Variants in CEP192 observed in about 807,000 individuals in gnomAD.
CEP192 encodes centrosomal protein of 192 kDa.
Under a neutral mutation model 271.8 loss-of-function variants are expected in CEP192, and 151 were observed. That is an observed-to-expected ratio of 0.56 (90% CI 0.49 to 0.64). The LOEUF (loss-of-function observed/expected upper bound fraction) is 0.64, where lower values mean the gene tolerates loss of function less well. Ranked by LOEUF, CEP192 falls within the 30% of genes least tolerant of loss-of-function variation. The pLI, the probability that CEP192 is intolerant of heterozygous loss-of-function variation, is 0.00. For missense variants in CEP192, 2,910 were observed against 3,020.5 expected (o/e 0.96, Z 0.86); for synonymous variants, 995 against 1,076.5 (o/e 0.92, Z 1.48).
chr18:13,067,475 A>G (rs1030453395), intron 21 of CEP192, among the ~76,000 whole-genome samples: 1 of 152,212 alleles, frequency 6.6e-6, no homozygotes, highest in Non-Finnish European at 1.5e-5. Context: ...TGAAAATGCC[A>G]AGATATTCAT....
Position 13,096,303 on chromosome 18 carries a change from C to T in CEP192, c.6553C>T (p.Pro2185Ser). The T allele has an allele frequency of 6.2e-7, 1 of 1,613,148 alleles. No homozygotes were observed. The highest frequency in any genetic ancestry group is 8.5e-7 in the Non-Finnish European group (1 of 1,179,340). The part of the protein sequence containing the change: ...TVTPQHGCVA[P>S]ESKLQILVSP... ...CACGCCGCAGCATGGATGTGTCGCG[C>T]CAGAGTAAGTCTGACTTCTGTGTTG... Residue 2185 changes from proline (P) to serine (S), a missense_variant, in exon 36 of 45, where the codon CCA becomes TCA. By Grantham distance (74) the Pro-to-Ser change is moderately conservative. Coordinates refer to ENST00000506447, the MANE Select transcript of CEP192 (RefSeq NM_032142.4).
At chr18:13,096,799 G>A (rs902119246) in intron 36 of CEP192, among the ~76,000 whole-genome samples, 4 of 152,120 alleles carry the variant, frequency 2.6e-5, no homozygotes, top group African/African-American at 7.2e-5. Context: ...CTTGCTTACT[G>A]TTTTCTATGT....
chr18:13,117,119 G>C (rs1287605028), intron 43 of CEP192, among the ~76,000 whole-genome samples: 1 of 151,928 alleles, frequency 6.6e-6, no homozygotes, highest in African/African-American at 2.4e-5. Context: ...AGCTACTTGT[G>C]GGGGCTGAGC....
intron 44 of CEP192, among the ~76,000 whole-genome samples, chr18:13,123,049 G>A (rs903952920): frequency 1.4e-4 from 22 of 151,934 alleles, no homozygotes; most frequent in African/African-American, 2.4e-5. Flanking sequence ...AAATTTTCAG[G>A]TTAATATAGA....
intron 1 of CEP192, among the ~76,000 whole-genome samples, 177 bp from the exon 2 acceptor site, chr18:12,999,244 G>A (rs780548062): frequency 1.3e-5 from 2 of 152,180 alleles, no homozygotes; most frequent in African/African-American, 4.8e-5. Flanking sequence ...CATCTATAAA[G>A]TAGCAAAGTA....
chr18:13,017,083 C>A, intron 6 of CEP192, 105 bp from the exon 7 acceptor site: 2 of 811,334 alleles, frequency 2.5e-6, no homozygotes, highest in East Asian at 2.8e-5. Flanking sequence ...ACACCAAAAT[C>A]TTAGTCCATT....
At chr18:13,115,330 G>C (rs2040379622) in intron 42 of CEP192, among the ~76,000 whole-genome samples, 1 of 152,236 alleles carries the variant, frequency 6.6e-6, no homozygotes, top group Non-Finnish European at 1.5e-5. Flanking sequence ...CTGGGAAGGA[G>C]TTCCCTGAAA....
intron 21 of CEP192, among the ~76,000 whole-genome samples, chr18:13,064,073 C>G (rs1241353448): frequency 6.6e-6 from 1 of 151,872 alleles, no homozygotes; most frequent in African/African-American, 2.4e-5. Flanking sequence ...TCCACCTCAG[C>G]CTCCCAAAGT....
chr18:13,066,572 CT>C (rs2037711587), intron 21 of CEP192, among the ~76,000 whole-genome samples: 1 of 152,126 alleles, frequency 6.6e-6, no homozygotes, highest in East Asian at 1.9e-4. Context: ...TGTTAAAAGC[CT>C]TTGTGATTTT....
intron 34 of CEP192, among the ~76,000 whole-genome samples, chr18:13,094,198 T>G (rs180971238): frequency 1.4e-4 from 21 of 152,344 alleles, no homozygotes; most frequent in Non-Finnish European, 2.2e-4. Flanking sequence ...CTGCCAGATT[T>G]CTCCACTGTA....
chr18:13,076,971 A>G (rs1170234525), intron 30 of CEP192, among the ~76,000 whole-genome samples: 2 of 151,842 alleles, frequency 1.3e-5, no homozygotes, highest in African/African-American at 4.8e-5. Context: ...TTTAGTAGAG[A>G]TGGGGTTGTG....
chr18:13,115,264 C>T lies in CEP192; in HGVS notation c.7289+1013C>T, dbSNP rs367674588. 1.2e-3 allele frequency among the ~76,000 whole-genome samples: 180 copies of T among 152,204 alleles called. 1 individual carries two copies. In the South Asian group the frequency reaches 0.022, roughly 19 times the overall value. ...GCCAACCCAGAGCCCACACGGGCTG[C>T]GGGGAAACAAACGAGAAACTGGGAG... On this transcript the variant is annotated intron_variant, in intron 42 of 44. Transcript: ENST00000506447.
chr18:13,022,529 C>T (rs946830566), intron 9 of CEP192, among the ~76,000 whole-genome samples: 1 of 152,028 alleles, frequency 6.6e-6, no homozygotes, highest in Non-Finnish European at 1.5e-5. Flanking sequence ...TACAAGTGTA[C>T]GCCACCATGC....
At chr18:13,039,324 G>A (rs900691953) in intron 13 of CEP192, among the ~76,000 whole-genome samples, 1 of 152,058 alleles carries the variant, frequency 6.6e-6, no homozygotes, top group Non-Finnish European at 1.5e-5. Flanking sequence ...ATATGGTGGT[G>A]CGTGGCTGTA....
intron 15 of CEP192, among the ~76,000 whole-genome samples, chr18:13,044,185 A>C (rs1232188920): frequency 6.6e-6 from 1 of 152,186 alleles, no homozygotes; most frequent in African/African-American, 2.4e-5. Flanking sequence ...CAGCAAATTT[A>C]CTTATTAACT....
At chr18:13,098,852 G>A (rs934011422) in intron 36 of CEP192, among the ~76,000 whole-genome samples, 3 of 152,174 alleles carry the variant, frequency 2.0e-5, no homozygotes, top group African/African-American at 4.8e-5. Flanking sequence ...AGGTTGTAGC[G>A]AGCCGAAATC....
Position 13,029,878 on chromosome 18 carries a change from T to C in CEP192, c.1266T>C (p.Asn422=), listed in dbSNP as rs2035518083. 3.9e-6 allele frequency: 6 copies of C among 1,551,690 alleles called. No homozygotes were observed. The highest frequency in any genetic ancestry group is 4.4e-6 in the Non-Finnish European group (5 of 1,146,986). ...CTCCTACGGTGTCCATTCAAGAAAA[T>C]GTGGATGTAGCCTCTTTGAAGCCCA... ...TETPTVSIQE[N]VDVASLKPIS... is the part of the protein sequence containing the mutation. The change falls in exon 10 of 45, where the codon AAT becomes AAC. Residue 422 remains asparagine, a synonymous_variant. Coordinates refer to ENST00000506447, the MANE Select transcript of CEP192 (RefSeq NM_032142.4).
chr18:13,027,433 T>G (rs751753076), intron 9 of CEP192, among the ~76,000 whole-genome samples: 3 of 152,140 alleles, frequency 2.0e-5, no homozygotes, highest in Non-Finnish European at 4.4e-5. Context: ...CTCTCAGACT[T>G]TTCCACACTG....
At chr18:13,087,899 T>C (rs1337025912) in intron 32 of CEP192, among the ~76,000 whole-genome samples, 4 of 152,230 alleles carry the variant, frequency 2.6e-5, no homozygotes, top group Non-Finnish European at 4.4e-5. Flanking sequence ...CACTCTTCCC[T>C]TACTCAGTAG....
Sources: gnomAD v4.1 joint callset for allele counts (sites outside exome capture counted in the v4.1 genomes callset) on GRCh38, gnomAD v4.1.1 for gene constraint, MANE v1.5 for transcripts, NCBI Gene and HGNC (gene_info 2026-07-23, HGNC 2026-07-21) for gene names.